WARS2: variants seen among roughly 807,000 people sequenced by gnomAD.
The protein encoded by WARS2 is tryptophan--tRNA ligase, mitochondrial.
Under a neutral mutation model 36.5 loss-of-function variants are expected in WARS2, and 28 were observed. The observed-to-expected ratio is 0.77, with a 90% CI of 0.57 to 1.05. WARS2 has a LOEUF of 1.05. Among genes scored for constraint, WARS2 ranks in the 50% least tolerant of loss-of-function variants. The pLI, the probability that WARS2 is intolerant of heterozygous loss-of-function variation, is 0.00. For synonymous variants in WARS2, 174 were observed against 178.4 expected (o/e 0.98, Z 0.20); for missense variants, 435 against 456.8 (o/e 0.95, Z 0.44).
intron 1 of WARS2, among the ~76,000 whole-genome samples, chr1:119,112,709 T>A (rs901223817): frequency 3.3e-5 from 5 of 151,968 alleles, no homozygotes; most frequent in Non-Finnish European, 7.4e-5. Context: ...TAACACAGAG[T>A]TTCAGAGAGT....
At chr1:119,040,321 C>T (rs142866838) in intron 4 of WARS2, among the ~76,000 whole-genome samples, 1 of 152,260 alleles carries the variant, frequency 6.6e-6, no homozygotes, top group East Asian at 1.9e-4. Context: ...AAGCTCCTTC[C>T]CATCCTTTGC....
chr1:119,131,665 G>GCA (rs1273603834), intron 1 of WARS2, among the ~76,000 whole-genome samples: 19 of 152,000 alleles, frequency 1.3e-4, no homozygotes, highest in Non-Finnish European at 2.2e-4. Flanking sequence ...GTTTCACCGT[G>GCA]TTAGCCAGGA....
At chr1:119,091,387 G>A (rs1272111309) in intron 1 of WARS2, among the ~76,000 whole-genome samples, 3 of 152,198 alleles carry the variant, frequency 2.0e-5, no homozygotes, top group Admixed American at 6.5e-5. Flanking sequence ...GGTTAAATGA[G>A]TGGTCCATAC....
At chr1:119,121,463 C>G (rs1655321506) in intron 1 of WARS2, among the ~76,000 whole-genome samples, 1 of 152,038 alleles carries the variant, frequency 6.6e-6, no homozygotes, top group African/African-American at 2.4e-5. Flanking sequence ...AATGACCATA[C>G]TGCCAAAAGC....
intron 2 of WARS2, among the ~76,000 whole-genome samples, chr1:119,051,359 G>T (rs1490231518): frequency 1.3e-5 from 2 of 152,156 alleles, no homozygotes; most frequent in Admixed American, 1.3e-4. Context: ...CAAAGAAAAT[G>T]ATCTTATTTT....
In WARS2 at chr1:119,036,039, T is replaced by C. The variant is rs138137865; in HGVS notation, c.516-1826A>G. The stretch of plus-strand genomic sequence containing the variant: ...GACCAACAAGGCGAAACCCGGTCCC[T>C]GTTAAAAATACATAATTAGCTGGGT... On this transcript the variant is annotated intron_variant, in intron 4 of 5. Coordinates refer to ENST00000235521, the MANE Select transcript of WARS2 (RefSeq NM_015836.4). Among the ~76,000 whole-genome samples, 134 of 152,180 alleles carry C rather than the reference T, an allele frequency of 8.8e-4. 1 individual carries two copies. In the East Asian group the frequency reaches 0.022, roughly 25 times the overall value.
chr1:119,132,184 G>A (rs1188566126), intron 1 of WARS2, among the ~76,000 whole-genome samples: 3 of 152,178 alleles, frequency 2.0e-5, no homozygotes, highest in African/African-American at 4.8e-5. Flanking sequence ...CATTTAAAAT[G>A]TGGTGGTAGA....
chr1:119,108,462 T>C (rs1654395678), intron 1 of WARS2, among the ~76,000 whole-genome samples: 1 of 152,030 alleles, frequency 6.6e-6, no homozygotes, highest in South Asian at 2.1e-4. Flanking sequence ...GTTATTAAAG[T>C]TGTGGGCATA....
chr1:119,065,483 A>G (rs936743372), intron 2 of WARS2, among the ~76,000 whole-genome samples: 3 of 151,820 alleles, frequency 2.0e-5, no homozygotes, highest in Non-Finnish European at 4.4e-5. Flanking sequence ...TAAGAATACA[A>G]AAATTAGCTG....
At chr1:119,070,754 T>G (rs1651238682) in intron 2 of WARS2, among the ~76,000 whole-genome samples, 2 of 151,884 alleles carry the variant, frequency 1.3e-5, no homozygotes, top group Non-Finnish European at 2.9e-5. Context: ...AATAAATAAA[T>G]AAATAAATAA....
chr1:119,110,921 C>T (rs1239253522), intron 1 of WARS2, among the ~76,000 whole-genome samples: 1 of 152,120 alleles, frequency 6.6e-6, no homozygotes, highest in Non-Finnish European at 1.5e-5. Context: ...GTCCACCCTA[C>T]TAATGAACCT....
intron 2 of WARS2, among the ~76,000 whole-genome samples, chr1:119,054,546 T>G (rs1340777418): frequency 6.6e-6 from 1 of 152,168 alleles, no homozygotes; most frequent in Non-Finnish European, 1.5e-5. Context: ...GCAGTTCCAT[T>G]TCTCATATAT....
intron 1 of WARS2, among the ~76,000 whole-genome samples, chr1:119,128,399 T>A (rs912086813): frequency 6.6e-6 from 1 of 152,076 alleles, no homozygotes; most frequent in Admixed American, 6.6e-5. Flanking sequence ...TGTCACTATC[T>A]TGCTCTTCAT....
chr1:119,081,456 C>T (rs1180081697), intron 1 of WARS2, among the ~76,000 whole-genome samples: 1 of 152,186 alleles, frequency 6.6e-6, no homozygotes, highest in African/African-American at 2.4e-5. Flanking sequence ...CCAGCTGTAA[C>T]AGCAATTGTT....
chr1:119,121,832 C>T, intron 1 of WARS2, among the ~76,000 whole-genome samples: 1 of 152,098 alleles, frequency 6.6e-6, no homozygotes, highest in East Asian at 1.9e-4. Context: ...GGATAATTGG[C>T]AAGCCACATA....
intron 2 of WARS2, among the ~76,000 whole-genome samples, chr1:119,065,118 T>C (rs540736039): frequency 4.6e-5 from 7 of 152,244 alleles, no homozygotes; most frequent in Non-Finnish European, 7.4e-5. Flanking sequence ...TCTAAACACA[T>C]ACTTCTAAAT....
chr1:119,076,238 C>G, intron 2 of WARS2, 112 bp downstream of exon 2: 3 of 1,354,126 alleles, frequency 2.2e-6, no homozygotes, highest in Non-Finnish European at 3.0e-6. Flanking sequence ...GAAAAAGTCA[C>G]CTTCAAACAC....
intron 2 of WARS2, among the ~76,000 whole-genome samples, chr1:119,050,159 CT>C (rs1557942231): frequency 6.6e-6 from 1 of 152,214 alleles, no homozygotes; most frequent in Non-Finnish European, 1.5e-5. Flanking sequence ...CCATGCTGGC[CT>C]TCTGGTGTTC....
rs907692060 is a variant in WARS2 at position 119,039,840 on chromosome 1, A to G, written c.515+2424T>C. ...TTTGGCTTGCGTCAAAATTTTATGA[A>G]GAGGTCACACATAGATTTGCTGATA... is the stretch of plus-strand genomic sequence containing the variant. On this transcript the variant is annotated intron_variant, in intron 4 of 5. Coordinates refer to ENST00000235521, the MANE Select transcript of WARS2 (RefSeq NM_015836.4). 7.2e-5 allele frequency among the ~76,000 whole-genome samples: 11 copies of G among 152,304 alleles called. No individual in the cohort carries two copies. In the East Asian group the frequency reaches 1.5e-3, roughly 21 times the overall value.
Sources: gnomAD v4.1 joint callset for allele counts (sites outside exome capture counted in the v4.1 genomes callset) on GRCh38, gnomAD v4.1.1 for gene constraint, MANE v1.5 for transcripts, NCBI Gene and HGNC (gene_info 2026-07-23, HGNC 2026-07-21) for gene names.